Variants in TRHDE observed in about 807,000 individuals in gnomAD.
TRHDE encodes thyrotropin-releasing hormone-degrading ectoenzyme.
In TRHDE, 72 loss-of-function variants were observed where a neutral mutation model predicts 125.7. That is an observed-to-expected ratio of 0.57 (90% CI 0.47 to 0.70). The LOEUF (loss-of-function observed/expected upper bound fraction) is 0.70. TRHDE is among the 30% of genes least tolerant of loss of function. The pLI is 0.00. For missense variants in TRHDE, 1,110 were observed against 1,327.1 expected (o/e 0.84, Z 2.54); for synonymous variants, 509 against 509.1 (o/e 1.00, Z 0.00).
chr12:72,265,279 T>C (rs1879039930), intron 2 of TRHDE, among the ~76,000 whole-genome samples: 1 of 152,028 alleles, frequency 6.6e-6, no homozygotes, highest in South Asian at 2.1e-4. Context: ...ACTTCAAGAA[T>C]AATTCTTGGA....
intron 2 of TRHDE, among the ~76,000 whole-genome samples, chr12:72,177,605 A>AT (rs144808045): frequency 8.6e-5 from 13 of 151,638 alleles, no homozygotes; most frequent in South Asian, 6.3e-4. Flanking sequence ...CTAAAAGCCA[A>AT]TTTTTTTTTC....
intron 6 of TRHDE, among the ~76,000 whole-genome samples, chr12:72,500,606 G>T (rs1280805203): frequency 1.3e-5 from 2 of 151,868 alleles, no homozygotes; most frequent in Admixed American, 6.6e-5. Flanking sequence ...TGGCCAGGCT[G>T]GTCTCAAACT....
intron 2 of TRHDE, among the ~76,000 whole-genome samples, chr12:72,323,291 G>A (rs1425858976): frequency 1.3e-5 from 2 of 152,098 alleles, no homozygotes; most frequent in African/African-American, 4.8e-5. Context: ...ATGGCAGAGT[G>A]GCTTATTAGA....
intron 12 of TRHDE, among the ~76,000 whole-genome samples, chr12:72,579,246 C>T (rs1017987): frequency 0.23 from 35,579 of 151,548 alleles, 5,797 homozygotes; most frequent in East Asian, 0.55. Context: ...CATGTGTGAG[C>T]GGGCCCAATT....
chr12:72,299,830 C>T lies in TRHDE; in HGVS notation c.1188+12876C>T, dbSNP rs552976125. 9.9e-5 allele frequency among the ~76,000 whole-genome samples: 15 copies of T among 152,094 alleles called. 1 individual carries two copies. The South Asian group carries it at 2.1e-3, about 21-fold the overall frequency. On this transcript the variant is annotated intron_variant, in intron 2 of 18. Coordinates refer to ENST00000261180, the MANE Select transcript of TRHDE (RefSeq NM_013381.3). ...CTATCATGCACTACATGGTACAAGA[C>T]GCTGTTTTATAAAGAAAAGGTAACT...
At chr12:72,269,137 G>A (rs758318925), upstream of TRHDE, among the ~76,000 whole-genome samples, 1 of 151,822 alleles carries the variant, frequency 6.6e-6, no homozygotes, top group Non-Finnish European at 1.5e-5. Flanking sequence ...TTGCTTTGAA[G>A]GTAGAATGGA....
At chr12:72,469,151 G>A (rs1565754204) in intron 3 of TRHDE, among the ~76,000 whole-genome samples, 1 of 152,162 alleles carries the variant, frequency 6.6e-6, no homozygotes, top group Non-Finnish European at 1.5e-5. Flanking sequence ...ATGTCGCATA[G>A]CCAGTTGGTG....
chr12:72,367,353 C>T (rs1871380736), intron 2 of TRHDE, among the ~76,000 whole-genome samples: 1 of 152,064 alleles, frequency 6.6e-6, no homozygotes, highest in Admixed American at 6.6e-5. Context: ...TCCTCAAAGC[C>T]TCATGTCCAG....
intron 2 of TRHDE, among the ~76,000 whole-genome samples, chr12:72,184,336 A>C (rs1877157622): frequency 6.6e-6 from 1 of 152,006 alleles, no homozygotes; most frequent in South Asian, 2.1e-4. Context: ...TCTCTTCCAA[A>C]GCCTGAGCAA....
At chr12:72,653,995 A>C (rs538481861) in intron 17 of TRHDE, among the ~76,000 whole-genome samples, 88 of 152,240 alleles carry the variant, frequency 5.8e-4, no homozygotes, top group African/African-American at 2.1e-3. Flanking sequence ...TAGGTATTTC[A>C]TTGTCAGAAA....
intron 1 of TRHDE, among the ~76,000 whole-genome samples, chr12:72,087,825 T>C (rs752029975): frequency 2.0e-5 from 3 of 152,174 alleles, no homozygotes; most frequent in Admixed American, 1.3e-4. Flanking sequence ...TTAGAAACTA[T>C]ACCTAGTAGC....
At chr12:72,549,683 A>C (rs2135995918) in intron 7 of TRHDE, among the ~76,000 whole-genome samples, 1 of 151,954 alleles carries the variant, frequency 6.6e-6, no homozygotes, top group South Asian at 2.1e-4. Context: ...CTATAACGGA[A>C]AATTAATGAG....
At chr12:72,270,774 C>T (rs1879178985), upstream of TRHDE, among the ~76,000 whole-genome samples, 1 of 152,122 alleles carries the variant, frequency 6.6e-6, no homozygotes, top group Admixed American at 6.5e-5. Context: ...TAGAGTTCTT[C>T]GCACAAATTC....
Position 72,653,105 on chromosome 12 carries a change from G to A in TRHDE, c.2933G>A (p.Arg978Gln), listed in dbSNP as rs769065424. The change falls in exon 17 of 19, where the codon CGA becomes CAA. Residue 978 changes from arginine (R) to glutamine (Q), a missense_variant. This residue lies in a region of TRHDE where 527 missense variants were observed against 651.8 expected (regional missense o/e 0.81). Coordinates refer to ENST00000261180, the MANE Select transcript of TRHDE (RefSeq NM_013381.3). The stretch of plus-strand genomic sequence containing the variant: ...CATGTAGCTCGAAATCCACATGGTC[G>A]AGACCTTGCCTGGAAGTTTTTCAGG... ...IIHVARNPHG[R>Q]DLAWKFFRDK... 3 of 1,609,494 alleles carry A rather than the reference G, an allele frequency of 1.9e-6. No homozygotes were observed. Among genetic ancestry groups the A allele is most frequent in the African/African-American group, 1.3e-5 (1 of 74,626 alleles).
chr12:72,162,464 C>T (rs1438829094), intron 2 of TRHDE, among the ~76,000 whole-genome samples: 1 of 152,120 alleles, frequency 6.6e-6, no homozygotes, highest in Non-Finnish European at 1.5e-5. Context: ...AACAATAGTG[C>T]AAATAGACTC....
chr12:72,366,422 G>A (rs1390383247), intron 2 of TRHDE, among the ~76,000 whole-genome samples: 6 of 152,096 alleles, frequency 3.9e-5, no homozygotes, highest in Non-Finnish European at 1.5e-5. Flanking sequence ...TTCCTTGCCT[G>A]AAGCAAAATG....
At chr12:72,579,881 G>A (rs1871155973) in intron 12 of TRHDE, among the ~76,000 whole-genome samples, 1 of 152,002 alleles carries the variant, frequency 6.6e-6, no homozygotes, top group Admixed American at 6.6e-5. Context: ...TTATCCTAAT[G>A]CAAATGCCCA....
At chr12:72,142,074 GAA>G (rs199924798) in intron 2 of TRHDE, among the ~76,000 whole-genome samples, 3 of 122,514 alleles carry the variant, frequency 2.4e-5, no homozygotes, top group Admixed American at 8.5e-5. Context: ...TGCTCCACCA[GAA>G]AAAAAAAAAA....
At chr12:72,485,928 G>A (rs1877386317) in intron 5 of TRHDE, among the ~76,000 whole-genome samples, 1 of 152,080 alleles carries the variant, frequency 6.6e-6, no homozygotes, top group Non-Finnish European at 1.5e-5. Flanking sequence ...TGCTATTTCT[G>A]AGTACTTGCT....
Sources: allele counts gnomAD v4.1 joint callset (sites outside exome capture counted in the v4.1 genomes callset), GRCh38; gene constraint gnomAD v4.1.1; regional missense constraint gnomAD v4.1.1; transcripts MANE v1.5; gene names NCBI Gene and HGNC (gene_info 2026-07-23, HGNC 2026-07-21).